Variants in PPARGC1A observed in about 807,000 individuals in gnomAD.
The protein encoded by PPARGC1A is peroxisome proliferator-activated receptor gamma coactivator 1-alpha.
A neutral mutation model predicts 88.7 loss-of-function variants in PPARGC1A; 25 were observed. The ratio of observed to expected loss-of-function variants is 0.28; its 90% CI spans 0.21 to 0.39. The LOEUF (loss-of-function observed/expected upper bound fraction) is 0.39, where lower values mean the gene tolerates loss of function less well. PPARGC1A is among the 10% of genes least tolerant of loss of function. PPARGC1A has a pLI of 1.00. For synonymous variants in PPARGC1A, 363 were observed against 355.6 expected, an observed-to-expected ratio of 1.02 and a Z score of -0.24; for missense variants, 880 against 968.7, an observed-to-expected ratio of 0.91 and a Z score of 1.22.
the PPARGC1A span, among the ~76,000 whole-genome samples, chr4:24,201,421 T>C: frequency 6.6e-6 from 1 of 152,232 alleles, no homozygotes; most frequent in Non-Finnish European, 1.5e-5. Context: ...CACCTGGGTG[T>C]TGTTCACGAG....
the PPARGC1A span, among the ~76,000 whole-genome samples, chr4:23,921,939 C>T: frequency 3.3e-5 from 5 of 152,304 alleles, no homozygotes; most frequent in Admixed American, 3.3e-4. Context: ...GCTTATTACC[C>T]AGGGACAGAG....
the PPARGC1A span, among the ~76,000 whole-genome samples, chr4:24,059,012 G>A: frequency 6.6e-6 from 1 of 152,266 alleles, no homozygotes; most frequent in Admixed American, 6.5e-5. Context: ...TTTTGTATGT[G>A]GGTGGCAGGA....
At chr4:24,127,937 A>T in the PPARGC1A span, among the ~76,000 whole-genome samples, 1 of 152,186 alleles carries the variant, frequency 6.6e-6, no homozygotes, top group Non-Finnish European at 1.5e-5. Context: ...GACAAAGACT[A>T]GTTTCCATTT....
the PPARGC1A span, among the ~76,000 whole-genome samples, chr4:24,442,245 A>AT: frequency 6.6e-5 from 10 of 152,176 alleles, no homozygotes; most frequent in African/African-American, 2.4e-4. Context: ...CTCCAAGTGT[A>AT]TTTTTATCTT....
chr4:24,387,850 AAGAG>A, the PPARGC1A span, among the ~76,000 whole-genome samples: 3 of 72,624 alleles, frequency 4.1e-5, no homozygotes, highest in African/African-American at 7.2e-5. Context: ...GAGAGAGAGA[AAGAG>A]AGAAAGAGAG....
At chr4:23,831,245 T>C (rs1724946536) in intron 3 of PPARGC1A, among the ~76,000 whole-genome samples, 1 of 152,238 alleles carries the variant, frequency 6.6e-6, no homozygotes. Context: ...GTGAAATTTT[T>C]AGTCTTTTCC....
the PPARGC1A span, among the ~76,000 whole-genome samples, chr4:24,285,186 C>T: frequency 6.6e-6 from 1 of 152,210 alleles, no homozygotes; most frequent in African/African-American, 2.4e-5. Context: ...CTATACATAG[C>T]TTCCCAAATG....
chr4:24,013,934 G>T, the PPARGC1A span, among the ~76,000 whole-genome samples: 44 of 152,224 alleles, frequency 2.9e-4, no homozygotes, highest in African/African-American at 9.6e-4. Flanking sequence ...GGAATAAAAA[G>T]CCCAGAAGTC....
At chr4:23,807,274 C>T (rs958076878) in intron 10 of PPARGC1A, among the ~76,000 whole-genome samples, 1 of 152,072 alleles carries the variant, frequency 6.6e-6, no homozygotes, top group Non-Finnish European at 1.5e-5. Flanking sequence ...TTCTTTCTTG[C>T]CGTTAATATT....
At chr4:24,462,418 A>T in the PPARGC1A span, among the ~76,000 whole-genome samples, 1 of 151,760 alleles carries the variant, frequency 6.6e-6, no homozygotes, top group Non-Finnish European at 1.5e-5. Context: ...TTTGTCCTTG[A>T]TGCTCCTCTC....
the PPARGC1A span, among the ~76,000 whole-genome samples, chr4:24,437,832 C>T: frequency 0.56 from 85,502 of 151,570 alleles, 25,473 homozygotes; most frequent in Admixed American, 0.65. Flanking sequence ...TTTTTTGTTT[C>T]TTTTGGTTTT....
the PPARGC1A span, among the ~76,000 whole-genome samples, chr4:23,910,339 TATTATATATTATATATATTA>T: frequency 9.7e-4 from 59 of 61,096 alleles, 1 homozygote; most frequent in African/African-American, 4.7e-3. Flanking sequence ...ATATTATATA[TATTATATATTATATATATTA>T]TATATATTAT....
chr4:24,470,322 ACACTCT>A, the PPARGC1A span, among the ~76,000 whole-genome samples: 6 of 116,730 alleles, frequency 5.1e-5, 1 homozygote, highest in Non-Finnish European at 8.0e-5. The surrounding 1 kb of genome is among the most constrained non-coding windows in gnomAD (Gnocchi z 5.8). Flanking sequence ...ACACACACAC[ACACTCT>A]CTCACACAGG....
the PPARGC1A span, among the ~76,000 whole-genome samples, chr4:24,088,205 A>T: frequency 6.6e-6 from 1 of 152,010 alleles, no homozygotes. Context: ...AGACTTTAAA[A>T]ATTAGCCAGA....
intron 10 of PPARGC1A, among the ~76,000 whole-genome samples, chr4:23,803,789 A>T (rs763049812): frequency 1.3e-5 from 2 of 152,216 alleles, no homozygotes; most frequent in Non-Finnish European, 2.9e-5. Flanking sequence ...TGAGGTACAG[A>T]CTTAGCTTGC....
At chr4:24,106,705 C>G in the PPARGC1A span, among the ~76,000 whole-genome samples, 4,314 of 152,282 alleles carry the variant, frequency 0.028, 199 homozygotes, top group African/African-American at 0.097. Context: ...CTGCCTTGTC[C>G]CTTGCTTTAG....
the PPARGC1A span, among the ~76,000 whole-genome samples, chr4:24,328,681 T>C: frequency 1.9e-3 from 284 of 152,338 alleles, 3 homozygotes; most frequent in African/African-American, 6.6e-3. Context: ...ATTTTTGTTT[T>C]ATTTTGCAAC....
the PPARGC1A span, among the ~76,000 whole-genome samples, chr4:23,926,176 C>A: frequency 1.3e-5 from 2 of 152,124 alleles, no homozygotes; most frequent in African/African-American, 4.8e-5. Flanking sequence ...GCCACCATGA[C>A]AGAATCTATG....
At chr4:23,994,735 G>T in the PPARGC1A span, among the ~76,000 whole-genome samples, 2 of 152,006 alleles carry the variant, frequency 1.3e-5, no homozygotes, top group Non-Finnish European at 2.9e-5. Context: ...AAGAAAGAAG[G>T]CTGTAGGGCA....
Sources: allele counts gnomAD v4.1 joint callset (sites outside exome capture counted in the v4.1 genomes callset), GRCh38; gene constraint gnomAD v4.1.1; non-coding constraint Gnocchi (gnomAD v3.1); transcripts MANE v1.5; gene names NCBI Gene and HGNC (gene_info 2026-07-23, HGNC 2026-07-21).